Variants in NSUN6 observed in about 807,000 individuals in gnomAD.
The protein encoded by NSUN6 is tRNA (cytosine(72)-C(5))-methyltransferase NSUN6.
NSUN6 carries 64 observed loss-of-function variants against 58.0 expected under a neutral mutation model. The ratio of observed to expected loss-of-function variants is 1.10; its 90% confidence interval spans 0.90 to 1.36. The LOEUF is 1.36. Among genes scored for constraint, NSUN6 ranks in the 40% most tolerant of loss-of-function variants. The pLI, the probability that NSUN6 is intolerant of heterozygous loss-of-function variation, is 0.00. For missense variants in NSUN6, 701 were observed against 550.1 expected (o/e 1.27, Z -2.74); for synonymous variants, 231 against 193.9 (o/e 1.19, Z -1.59).
chr10:18,548,748 T>C (rs11014797), intron 9 of NSUN6, among the ~76,000 whole-genome samples: 7,354 of 152,240 alleles, frequency 0.048, 271 homozygotes, highest in Non-Finnish European at 0.077. Context: ...CTTCTCAACA[T>C]TTCTATAATA....
chr10:18,650,206 G>C (rs1276963118), intron 1 of NSUN6, among the ~76,000 whole-genome samples: 1 of 151,398 alleles, frequency 6.6e-6, no homozygotes, highest in African/African-American at 2.4e-5. Context: ...TTTCATTTAC[G>C]TTTAATATCC....
At chr10:18,578,663 C>T (rs576442554) in intron 8 of NSUN6, among the ~76,000 whole-genome samples, 2 of 152,300 alleles carry the variant, frequency 1.3e-5, no homozygotes, top group African/African-American at 4.8e-5. Flanking sequence ...ATTCTCTCTA[C>T]TGAAATACCT....
At chr10:18,635,384 T>C (rs1427631281) in intron 3 of NSUN6, among the ~76,000 whole-genome samples, 1 of 152,186 alleles carries the variant, frequency 6.6e-6, no homozygotes, top group Non-Finnish European at 1.5e-5. Context: ...CTGAGGGCTG[T>C]CTTGGGAATC....
At chr10:18,635,793 C>T (rs989386359) in intron 3 of NSUN6, among the ~76,000 whole-genome samples, 2 of 151,352 alleles carry the variant, frequency 1.3e-5, no homozygotes, top group African/African-American at 4.9e-5. Context: ...AGCCGAGATC[C>T]TGCCACTGCA....
At chr10:18,642,693 C>T (rs1028436503) in intron 2 of NSUN6, 138 bp from the exon 3 acceptor site, 15 of 497,036 alleles carry the variant, frequency 3.0e-5, no homozygotes, top group Non-Finnish European at 4.7e-5. Context: ...CCACGGGATA[C>T]TGTAAAAATC....
chr10:18,562,762 C>T (rs1249512876), intron 8 of NSUN6, among the ~76,000 whole-genome samples: 6 of 78,478 alleles, frequency 7.6e-5, no homozygotes, highest in African/African-American at 1.7e-4. Context: ...CTGGAATGGA[C>T]AATGGAATGG....
At chr10:18,639,862 A>G (rs1458406021) in intron 3 of NSUN6, among the ~76,000 whole-genome samples, 1 of 152,244 alleles carries the variant, frequency 6.6e-6, no homozygotes, top group Non-Finnish European at 1.5e-5. Flanking sequence ...AACTTTGTAG[A>G]GGGTAATCTG....
chr10:18,625,431 G>C (rs954387422), intron 3 of NSUN6, among the ~76,000 whole-genome samples: 2 of 152,104 alleles, frequency 1.3e-5, no homozygotes, highest in Non-Finnish European at 2.9e-5. Context: ...AGAGGAAATA[G>C]GCTGAGTGTG....
At chr10:18,613,260 C>T (rs1413382312) in intron 5 of NSUN6, among the ~76,000 whole-genome samples, 1 of 152,098 alleles carries the variant, frequency 6.6e-6, no homozygotes, top group Non-Finnish European at 1.5e-5. Flanking sequence ...CCACACCTAG[C>T]TTATTTCTGT....
chr10:18,610,687 G>C (rs1411544089), intron 5 of NSUN6, among the ~76,000 whole-genome samples: 1 of 152,168 alleles, frequency 6.6e-6, no homozygotes, highest in African/African-American at 2.4e-5. Flanking sequence ...GCCTGGTGGA[G>C]AATGACTCAT....
intron 8 of NSUN6, among the ~76,000 whole-genome samples, chr10:18,570,152 T>C (rs1344425949): frequency 6.6e-6 from 1 of 151,242 alleles, no homozygotes; most frequent in African/African-American, 2.4e-5. Context: ...TTCCATTCCA[T>C]TCTCCATTCC....
At chr10:18,616,557 C>G (rs1164422413) in intron 3 of NSUN6, among the ~76,000 whole-genome samples, 1 of 152,178 alleles carries the variant, frequency 6.6e-6, no homozygotes, top group South Asian at 2.1e-4. Flanking sequence ...AATCATTTAA[C>G]AAGCATTACT....
intron 3 of NSUN6, among the ~76,000 whole-genome samples, chr10:18,632,034 A>G (rs1243991645): frequency 3.3e-5 from 5 of 151,082 alleles, no homozygotes; most frequent in Admixed American, 2.0e-4. Flanking sequence ...CCAAAACAGC[A>G]TGGTACTGGT....
rs561208747 is a variant in NSUN6 at position 18,621,186 on chromosome 10, A to G, written c.312-4893T>C. Among the ~76,000 whole-genome samples the G allele has an allele frequency of 3.3e-5, 5 of 152,338 alleles. No homozygotes were observed. In the South Asian group the frequency reaches 1.0e-3, roughly 32 times the overall value. ...GGTATGTACCAGGCAGTGGGAATCT[A>G]CATGATGAGCCCTGAATAGGAATCC... On this transcript the variant is annotated intron_variant, in intron 3 of 10. Coordinates refer to ENST00000377304, the MANE Select transcript of NSUN6 (RefSeq NM_182543.5).
rs778990628 is a variant in NSUN6, at chr10:18,648,636, C to T, written c.85G>A (p.Ala29Thr). 4.5e-6 allele frequency: 7 copies of T among 1,562,930 alleles called. No individual in the cohort carries two copies. The highest frequency in any genetic ancestry group is 8.7e-7 in the Non-Finnish European group (1 of 1,154,248). ...CTTTCTGCTTCTTGTTTACCTAAAG[C>T]AGTCACAATCTAAAAAGAAGTTCAT... ...EGFMNKEIVTALGKQEAERKF... is the reference protein window; with the variant it reads ...EGFMNKEIVTTLGKQEAERKF... The change falls in exon 2 of 11, where the codon GCT (alanine) becomes ACT (threonine). Residue 29 changes from alanine to threonine, a missense_variant. By Grantham distance (58) the Ala-to-Thr change is moderately conservative (BLOSUM62 0). Coordinates refer to ENST00000377304, the MANE Select transcript of NSUN6 (RefSeq NM_182543.5).
chr10:18,554,601 T>C (rs1488682198), intron 8 of NSUN6, among the ~76,000 whole-genome samples: 1 of 149,872 alleles, frequency 6.7e-6, no homozygotes, highest in Non-Finnish European at 1.5e-5. Context: ...TGGAATGGAC[T>C]GTAGTGGAAA....
intron 6 of NSUN6, among the ~76,000 whole-genome samples, chr10:18,599,735 T>C (rs1000860789): frequency 6.6e-6 from 1 of 152,192 alleles, no homozygotes; most frequent in South Asian, 2.1e-4. Context: ...GAATGCTCCC[T>C]AGATTGTCCA....
chr10:18,619,082 A>G (rs1415597380), intron 3 of NSUN6, among the ~76,000 whole-genome samples: 1 of 152,174 alleles, frequency 6.6e-6, no homozygotes, highest in African/African-American at 2.4e-5. Context: ...GGGAAATCCA[A>G]TCCTGCAGCT....
At chr10:18,656,735 C>G (rs1376111344), upstream of NSUN6, among the ~76,000 whole-genome samples, 1 of 150,306 alleles carries the variant, frequency 6.7e-6, no homozygotes, top group African/African-American at 2.5e-5. Context: ...TTTTGTTGAA[C>G]TGGATAGAGA....
Sources: allele counts gnomAD v4.1 joint callset (sites outside exome capture counted in the v4.1 genomes callset), GRCh38; gene constraint gnomAD v4.1.1; transcripts MANE v1.5; gene names NCBI Gene and HGNC (gene_info 2026-07-23, HGNC 2026-07-21).